Variants in TENM3 observed in about 807,000 individuals in gnomAD.
TENM3 encodes teneurin-3.
In TENM3, 63 loss-of-function variants were observed where a neutral mutation model predicts 255.1. That is an observed-to-expected ratio of 0.25 (90% CI 0.20 to 0.30). The LOEUF (loss-of-function observed/expected upper bound fraction) is 0.30. Ranked by LOEUF, TENM3 falls within the 10% of genes least tolerant of loss-of-function variation. The pLI is 1.00. For synonymous variants in TENM3, 1,306 were observed against 1,322.3 expected (o/e 0.99, Z 0.27); for missense variants, 2,929 against 3,461.1 (o/e 0.85, Z 3.86).
At chr4:182,063,005 A>C in the TENM3 span, among the ~76,000 whole-genome samples, 2 of 152,258 alleles carry the variant, frequency 1.3e-5, no homozygotes, top group Admixed American at 6.5e-5. Flanking sequence ...TTTTGTACTT[A>C]AAGAAGCAGA....
chr4:181,827,282 A>G, the TENM3 span, among the ~76,000 whole-genome samples: 1 of 152,152 alleles, frequency 6.6e-6, no homozygotes, highest in Non-Finnish European at 1.5e-5. Context: ...GTGAAATATA[A>G]TATACTTTGT....
the TENM3 span, among the ~76,000 whole-genome samples, chr4:181,892,811 A>C: frequency 6.6e-6 from 1 of 152,178 alleles, no homozygotes; most frequent in African/African-American, 2.4e-5. Flanking sequence ...ATACAGGCTG[A>C]AACTCTCTAT....
At chr4:181,622,871 CATT>C in the TENM3 span, among the ~76,000 whole-genome samples, 2 of 152,234 alleles carry the variant, frequency 1.3e-5, no homozygotes, top group African/African-American at 2.4e-5. Flanking sequence ...CGAGTGAAGT[CATT>C]ATGCCTCTAA....
intron 1 of TENM3, among the ~76,000 whole-genome samples, chr4:182,160,810 A>AT (rs1353967775): frequency 6.6e-6 from 1 of 152,166 alleles, no homozygotes; most frequent in Non-Finnish European, 1.5e-5. Context: ...CAAAAGAGCT[A>AT]TAAGAGAGGA....
At chr4:182,538,503 G>T (rs193289741) in intron 3 of TENM3, among the ~76,000 whole-genome samples, 54 of 152,278 alleles carry the variant, frequency 3.5e-4, no homozygotes, top group African/African-American at 1.2e-3. Context: ...CATGTTTGAG[G>T]AATTGGAAGT....
intron 4 of TENM3, among the ~76,000 whole-genome samples, chr4:182,608,562 T>A (rs969108309): frequency 6.6e-6 from 1 of 152,194 alleles, no homozygotes; most frequent in Non-Finnish European, 1.5e-5. Context: ...GGCTGTCTCC[T>A]TTTTGGTGTT....
chr4:182,355,450 T>C (rs1304271809), intron 3 of TENM3, among the ~76,000 whole-genome samples: 1 of 152,168 alleles, frequency 6.6e-6, no homozygotes, highest in Non-Finnish European at 1.5e-5. Context: ...CAGTGTGGAA[T>C]ATTAACTGTC....
chr4:181,994,837 T>C, the TENM3 span, among the ~76,000 whole-genome samples: 2 of 152,214 alleles, frequency 1.3e-5, no homozygotes, highest in Non-Finnish European at 2.9e-5. Context: ...TAGAATGTAA[T>C]TGTCCTTCAC....
Position 182,673,114 on chromosome 4 carries a change from G to A in TENM3, c.1221G>A (p.Gln407=). The change falls in exon 7 of 28, where the codon CAG becomes CAA. Residue 407 remains glutamine, a synonymous_variant. Transcript: ENST00000511685. ...EIPPGIFWRS[Q]LFIDQPQFLK... ...CTCCCGGGATCTTCTGGAGATCACA[G>A]CTCTTCATTGATCAGCCACAGTTTC... The A allele has an allele frequency of 6.2e-7, 1 of 1,613,380 alleles. No homozygotes were observed. The highest frequency in any genetic ancestry group is 1.7e-5 in the Admixed American group (1 of 59,986).
At chr4:182,728,326 T>C (rs1175429920) in intron 13 of TENM3, among the ~76,000 whole-genome samples, 1 of 152,238 alleles carries the variant, frequency 6.6e-6, no homozygotes, top group Non-Finnish European at 1.5e-5. Flanking sequence ...GCATTTTCTC[T>C]AAAATATAGA....
the TENM3 span, among the ~76,000 whole-genome samples, chr4:181,709,413 A>G: frequency 2.6e-5 from 4 of 152,238 alleles, no homozygotes; most frequent in Admixed American, 2.6e-4. Context: ...GAAGAAAAGT[A>G]GCCCCAGGGT....
At chr4:182,755,432 C>T in intron 22 of TENM3, 173 bp downstream of exon 22, 1 of 602,538 alleles carries the variant, frequency 1.7e-6, no homozygotes, top group Non-Finnish European at 2.8e-6. Flanking sequence ...GTCTCAGCTC[C>T]TGGGGAGGCT....
At chr4:181,538,700 G>T in the TENM3 span, among the ~76,000 whole-genome samples, 403 of 152,246 alleles carry the variant, frequency 2.6e-3, 1 homozygote, top group African/African-American at 9.2e-3. Context: ...CTAAGCACAA[G>T]GTAATAAAAA....
At chr4:182,029,279 C>T in the TENM3 span, among the ~76,000 whole-genome samples, 1 of 152,032 alleles carries the variant, frequency 6.6e-6, no homozygotes, top group African/African-American at 2.4e-5. Context: ...GCTCCATGAT[C>T]CAATCACCTC....
At chr4:182,516,903 A>AG (rs1275126429) in intron 3 of TENM3, among the ~76,000 whole-genome samples, 4 of 151,934 alleles carry the variant, frequency 2.6e-5, no homozygotes, top group Admixed American at 2.0e-4. Flanking sequence ...AAAAAAAAAA[A>AG]ATGTAGGATT....
At chr4:182,397,398 TAAAAAAAAAAAAAA>T (rs144177808) in intron 3 of TENM3, among the ~76,000 whole-genome samples, 7,620 of 49,256 alleles carry the variant, frequency 0.15, 604 homozygotes, top group East Asian at 0.34. Flanking sequence ...AGACTCCATC[TAAAAAAAAAAAAAA>T]AAAAAAAAAA....
In TENM3 at chr4:182,418,514, A is replaced by G. The variant is rs1770552518; in HGVS notation, c.511+71585A>G. On this transcript the variant is annotated intron_variant, in intron 3 of 27. Coordinates refer to ENST00000511685, the MANE Select transcript of TENM3 (RefSeq NM_001080477.4). ...CCTGTTTCCAGCACTGGGGGCCCTC[A>G]GGGGCAAGAGGAACTGAGAAAGGAT... Among the ~76,000 whole-genome samples, 4 of 152,176 alleles carry G rather than the reference A, an allele frequency of 2.6e-5. No individual in the cohort carries two copies. The South Asian group carries it at 8.3e-4, about 32-fold the overall frequency.
the TENM3 span, among the ~76,000 whole-genome samples, chr4:182,083,110 T>G: frequency 6.6e-6 from 1 of 152,222 alleles, no homozygotes; most frequent in Non-Finnish European, 1.5e-5. Flanking sequence ...AGTTAAAAGT[T>G]CACATACTTA....
At chr4:181,479,810 T>C in the TENM3 span, among the ~76,000 whole-genome samples, 2 of 152,172 alleles carry the variant, frequency 1.3e-5, no homozygotes, top group South Asian at 4.1e-4. Flanking sequence ...TTCAGTTCCT[T>C]CAGCTATCAT....
Sources: allele counts gnomAD v4.1 joint callset (sites outside exome capture counted in the v4.1 genomes callset), GRCh38; gene constraint gnomAD v4.1.1; transcripts MANE v1.5; gene names NCBI Gene and HGNC (gene_info 2026-07-23, HGNC 2026-07-21).